Variants in ZMYM4 observed in about 807,000 individuals in gnomAD.
ZMYM4 encodes zinc finger MYM-type protein 4.
In ZMYM4, 31 loss-of-function variants were observed where a neutral mutation model predicts 183.2. The ratio of observed to expected loss-of-function variants is 0.17; its 90% CI spans 0.13 to 0.23. ZMYM4 has a LOEUF of 0.23. Among genes scored for constraint, ZMYM4 ranks in the 10% least tolerant of loss-of-function variants. ZMYM4 has a pLI of 1.00. For synonymous variants in ZMYM4, 592 were observed against 631.2 expected, an observed-to-expected ratio of 0.94 and a Z score of 0.93; for missense variants, 1,273 against 1,840.3, an observed-to-expected ratio of 0.69 and a Z score of 5.64.
intron 26 of ZMYM4, among the ~76,000 whole-genome samples, chr1:35,410,491 T>A (rs965474012): frequency 6.7e-6 from 1 of 149,306 alleles, no homozygotes; most frequent in African/African-American, 2.6e-5. Context: ...TATTAATTAA[T>A]TTATTTATTT....
chr1:35,413,720 C>T (rs182818526), intron 26 of ZMYM4, among the ~76,000 whole-genome samples: 8 of 152,104 alleles, frequency 5.3e-5, no homozygotes, highest in Non-Finnish European at 1.0e-4. Flanking sequence ...CTGTACCATC[C>T]GTGTTTGAAA....
intron 25 of ZMYM4, 99 bp downstream of exon 25, chr1:35,405,567 T>A: frequency 1.0e-6 from 1 of 968,724 alleles, no homozygotes; most frequent in Non-Finnish European, 1.5e-6. Context: ...AAATTTAGAG[T>A]ATTAAGGTTA....
At chr1:35,309,408 GACTT>G (rs1241209587) in intron 1 of ZMYM4, among the ~76,000 whole-genome samples, 1 of 152,080 alleles carries the variant, frequency 6.6e-6, no homozygotes, top group African/African-American at 2.4e-5. Context: ...TTGTTCCTTA[GACTT>G]GTAAGGAAAG....
intron 1 of ZMYM4, among the ~76,000 whole-genome samples, chr1:35,286,004 C>T (rs1640463822): frequency 6.6e-6 from 1 of 152,160 alleles, no homozygotes; most frequent in Non-Finnish European, 1.5e-5. Context: ...TGCCTTCTTT[C>T]ACCATGTCTA....
intron 1 of ZMYM4, among the ~76,000 whole-genome samples, chr1:35,272,148 C>G (rs1199675455): frequency 1.3e-5 from 2 of 152,110 alleles, no homozygotes; most frequent in Admixed American, 6.6e-5. Flanking sequence ...TTAATGGGGA[C>G]TATGCAGTAC....
At chr1:35,415,320 G>A (rs181585984) in intron 27 of ZMYM4, 146 bp from the exon 28 acceptor site, 53 of 1,104,610 alleles carry the variant, frequency 4.8e-5, no homozygotes, top group African/African-American at 1.9e-4. Context: ...TTTGTGGTGC[G>A]TTTTCTGGTT....
intron 1 of ZMYM4, among the ~76,000 whole-genome samples, chr1:35,300,579 C>T (rs115756550): frequency 1.9e-3 from 288 of 152,262 alleles, no homozygotes; most frequent in Admixed American, 7.2e-3. Flanking sequence ...TTCCATAGCT[C>T]ACTAATTTTC....
chr1:35,275,592 T>C (rs1639831708), intron 1 of ZMYM4, among the ~76,000 whole-genome samples: 2 of 152,204 alleles, frequency 1.3e-5, no homozygotes, highest in Non-Finnish European at 2.9e-5. Context: ...CTATGGATAC[T>C]TAAGAGGTAT....
At chr1:35,276,717 C>G (rs1191220965) in intron 1 of ZMYM4, among the ~76,000 whole-genome samples, 2 of 151,964 alleles carry the variant, frequency 1.3e-5, no homozygotes, top group African/African-American at 2.4e-5. Flanking sequence ...AAGCGATTTT[C>G]CTGCTTCAGC....
rs879256828 is a variant in ZMYM4 at position 35,389,627 on chromosome 1, C to T, written c.2437-321C>T. On this transcript the variant is annotated intron_variant, in intron 14 of 29. Coordinates refer to ENST00000314607, the MANE Select transcript of ZMYM4 (RefSeq NM_005095.3). The surrounding 1 kb of genome is among the most constrained non-coding windows in gnomAD (Gnocchi z 4.0). ...AAAATTAGCTGGGTGTGGTGGCGGG[C>T]GCCTGTAGTCCCAGCTACCTGGGAG... 3.7e-4 allele frequency among the ~76,000 whole-genome samples: 56 copies of T among 151,716 alleles called. 1 individual carries two copies. Among genetic ancestry groups the T allele is most frequent in the Middle Eastern group, 3.4e-3 (1 of 294 alleles).
Position 35,392,309 on chromosome 1 carries a change from C to T in ZMYM4, c.2685C>T (p.Ala895=), listed in dbSNP as rs768555763. ...CCAATGTAGTATCATTGGCAAGTGC[C>T]CCTGCTGCTCAGCCTACAGTGAATT... ...VIANVVSLAS[A]PAAQPTVNSN... Residue 895 remains alanine, a synonymous_variant, in exon 16 of 30, where the codon GCC becomes GCT. Transcript: ENST00000314607. 1.2e-6 allele frequency: 2 copies of T among 1,614,028 alleles called. No homozygotes were observed. Among genetic ancestry groups the T allele is most frequent in the East Asian group, 2.2e-5 (1 of 44,884 alleles).
chr1:35,370,408 C>A lies in ZMYM4; in HGVS notation c.962C>A (p.Ala321Glu). Residue 321 changes from alanine to glutamate, a missense_variant, in exon 7 of 30, where the codon GCG becomes GAG. This residue lies in a region of ZMYM4 where 384 missense variants were observed against 465.6 expected (regional missense o/e 0.82). Transcript: ENST00000314607. ...ACTACTGGCTTTCAGCCCTCACTGG[C>A]GTCATCTGGCATGAATAAAATGCTT... Reference protein sequence around the residue: ...QLTTGFQPSLASSGMNKMLPS... With the variant: ...QLTTGFQPSLESSGMNKMLPS... The A allele has an allele frequency of 2.7e-6, 4 of 1,505,802 alleles. No individual in the cohort carries two copies. In the South Asian group the frequency reaches 4.5e-5, roughly 17 times the overall value. The allele number at this position is 1,505,802 out of a possible 1,614,324, so 93.3% of individuals were successfully genotyped here. A position where few individuals can be genotyped will look rare whatever the true frequency, so the allele number is the denominator to read the frequency against.
rs139524685 is a variant in ZMYM4, at chr1:35,392,348, A to G, written c.2724A>G (p.Leu908=). The change falls in exon 16 of 30, where the codon TTA becomes TTG. Residue 908 remains leucine, a synonymous_variant. Coordinates refer to ENST00000314607, the MANE Select transcript of ZMYM4 (RefSeq NM_005095.3). ...AQPTVNSNSV[L]QGAVPTVTAK... ...CTACAGTGAATTCTAACAGTGTCTT[A>G]CAAGGTATGGCTTGATTGGAAAGCA... The G allele has an allele frequency of 6.2e-7, 1 of 1,613,794 alleles. No homozygotes were observed. The highest frequency in any genetic ancestry group is 1.3e-5 in the African/African-American group (1 of 74,928).
At chr1:35,412,623 CTT>C (rs1412638177) in intron 26 of ZMYM4, among the ~76,000 whole-genome samples, 2 of 152,044 alleles carry the variant, frequency 1.3e-5, no homozygotes, top group Non-Finnish European at 2.9e-5. Context: ...TAGTAGTTGA[CTT>C]TGTGTGATGA....
intron 1 of ZMYM4, among the ~76,000 whole-genome samples, chr1:35,304,460 CT>C (rs762144546): frequency 1.7e-4 from 25 of 143,240 alleles, no homozygotes; most frequent in Admixed American, 2.1e-4. Context: ...ATTTTTTTTT[CT>C]TTTTTTTTTT....
intron 2 of ZMYM4, among the ~76,000 whole-genome samples, chr1:35,338,540 C>T (rs4653130): frequency 0.76 from 115,492 of 152,078 alleles, 48,537 homozygotes; most frequent in Non-Finnish European, 0.97. Context: ...GAACCAAAGC[C>T]CCAGTAATAC....
chr1:35,306,179 T>A (rs541764348), intron 1 of ZMYM4, among the ~76,000 whole-genome samples: 1 of 152,338 alleles, frequency 6.6e-6, no homozygotes, highest in Non-Finnish European at 1.5e-5. Context: ...AGTATTTAGA[T>A]GTATTCCTTT....
At chr1:35,350,259 ATTGT>A (rs1424408276) in intron 2 of ZMYM4, among the ~76,000 whole-genome samples, 1 of 150,672 alleles carries the variant, frequency 6.6e-6, no homozygotes, top group Non-Finnish European at 1.5e-5. Context: ...ATCTCAGGGA[ATTGT>A]TAGAGAACCA....
rs1644978675 is a variant in ZMYM4 at position 35,405,106 on chromosome 1, A to G, written c.3612A>G (p.Thr1204=). 1 of 1,614,000 alleles carries G rather than the reference A, an allele frequency of 6.2e-7. No individual in the cohort carries two copies. Among genetic ancestry groups the G allele is most frequent in the Admixed American group, 1.7e-5 (1 of 59,994 alleles). ...AFQGCSVSGM[T]LKYMYGVNAW... ...AAGGCTGCTCAGTGTCCGGGATGAC[A>G]CTGAAATACATGTATGGGGTAAATG... Residue 1204 remains threonine, a synonymous_variant, in exon 24 of 30, where the codon ACA becomes ACG. Transcript: ENST00000314607.
Sources: allele counts gnomAD v4.1 joint callset (sites outside exome capture counted in the v4.1 genomes callset), GRCh38; gene constraint gnomAD v4.1.1; regional missense constraint gnomAD v4.1.1; non-coding constraint Gnocchi (gnomAD v3.1); transcripts MANE v1.5; gene names NCBI Gene and HGNC (gene_info 2026-07-23, HGNC 2026-07-21).